Variants in SLC22A2 observed in about 807,000 individuals in gnomAD.
The protein encoded by SLC22A2 is solute carrier family 22 member 2, also known as organic cation transporter 2.
A neutral mutation model predicts 60.5 loss-of-function variants in SLC22A2; 46 were observed. The ratio of observed to expected loss-of-function variants is 0.76; its 90% CI spans 0.60 to 0.97. SLC22A2 has a LOEUF of 0.97. SLC22A2 is among the 50% of genes least tolerant of loss of function. The pLI, the probability that SLC22A2 is intolerant of heterozygous loss-of-function variation, is 0.00. For synonymous variants in SLC22A2, 303 were observed against 267.0 expected (o/e 1.13, Z -1.31); for missense variants, 701 against 706.6 (o/e 0.99, Z 0.09).
chr6:160,254,506 T>G (rs1783237564), intron 2 of SLC22A2, among the ~76,000 whole-genome samples: 1 of 152,228 alleles, frequency 6.6e-6, no homozygotes, highest in Non-Finnish European at 1.5e-5. Flanking sequence ...GTGTTTTATT[T>G]AAAGTTGGCT....
intron 10 of SLC22A2, among the ~76,000 whole-genome samples, chr6:160,222,871 T>A (rs920468534): frequency 1.3e-5 from 2 of 152,208 alleles, no homozygotes; most frequent in African/African-American, 2.4e-5. Flanking sequence ...AAACAGATCC[T>A]GGAAATCCAG....
chr6:160,248,988 C>T (rs758830537), intron 4 of SLC22A2, among the ~76,000 whole-genome samples: 5 of 152,134 alleles, frequency 3.3e-5, no homozygotes, highest in Non-Finnish European at 5.9e-5. Flanking sequence ...ATGTAAGATC[C>T]AAGTCATAAA....
chr6:160,239,724 G>T (rs1235633269), intron 9 of SLC22A2, among the ~76,000 whole-genome samples: 2 of 152,154 alleles, frequency 1.3e-5, no homozygotes, highest in African/African-American at 4.8e-5. Flanking sequence ...AGAAATAGGG[G>T]TCACATATGT....
At position 160,245,559 on chromosome 6, in the gene SLC22A2, T is replaced by C. The variant is rs751108234; in HGVS notation, c.958-14A>G. 7.1e-6 allele frequency: 11 copies of C among 1,541,746 alleles called. No individual in the cohort carries two copies. The East Asian group carries it at 1.8e-4, about 25-fold the overall frequency. On this transcript the variant is annotated splice_polypyrimidine_tract_variant and intron_variant, in intron 5 of 10. Transcript: ENST00000366953. ...AAGTCTCAGGCGCTAAGAAAAGGAA[T>C]AGAAAGGACGGCTTTGTATATTTAA...
chr6:160,245,476 G>A lies in SLC22A2; in HGVS notation c.1027C>T (p.Gln343Ter). The A allele has an allele frequency of 6.2e-7, 1 of 1,607,176 alleles. No individual in the cohort carries two copies. The highest frequency in any genetic ancestry group is 8.5e-7 in the Non-Finnish European group (1 of 1,175,278). Residue 343 changes from glutamine (Q) to a stop codon, truncating the protein, a stop_gained, in exon 6 of 11, where the codon CAG becomes TAG. Transcript: ENST00000366953. LOFTEE classifies it high-confidence loss of function. ...AATATCATAGTATGTTTCCTTATCT[G>A]AGGAGTTCTGACCAAGTCAAGAAAT... ...PSFLDLVRTPQIRKHTMILMY... is the reference protein window; with the variant it reads ...PSFLDLVRTP
chr6:160,241,427 C>A, intron 9 of SLC22A2, 47 bp downstream of exon 9: 3 of 1,245,174 alleles, frequency 2.4e-6, no homozygotes, highest in Non-Finnish European at 3.5e-6. Flanking sequence ...GTGAAGGTCT[C>A]TAGAAAAATA....
intron 9 of SLC22A2, among the ~76,000 whole-genome samples, chr6:160,226,627 G>A (rs1782729251): frequency 6.6e-6 from 1 of 152,078 alleles, no homozygotes; most frequent in African/African-American, 2.4e-5. Context: ...GGTTGTGTTG[G>A]AATCTCGGAG....
chr6:160,221,316 A>G (rs1338952825), intron 10 of SLC22A2, among the ~76,000 whole-genome samples: 1 of 152,228 alleles, frequency 6.6e-6, no homozygotes, highest in Non-Finnish European at 1.5e-5. Flanking sequence ...CTCAGCCTTC[A>G]TATAATGGAA....
chr6:160,217,477 C>A lies in SLC22A2; in HGVS notation c.1623G>T (p.Lys541Asn). Residue 541 changes from lysine to asparagine, a missense_variant, in exon 11 of 11, where the codon AAG becomes AAT. Transcript: ENST00000366953. ...GTTTCTGAACTTGGAGGTAAATCATCTTTTCTTTATTTTTTCTTGGTCTGC... is the reference window on the plus strand; with the variant it reads ...GTTTCTGAACTTGGAGGTAAATCATATTTTCTTTATTTTTTCTTGGTCTGC... ...NMQRPRKNKE[K>N]MIYLQVQKLD... 2 of 1,596,534 alleles carry A rather than the reference C, an allele frequency of 1.3e-6. No homozygotes were observed. Among genetic ancestry groups the A allele is most frequent in the Non-Finnish European group, 1.7e-6 (2 of 1,164,694 alleles).
intron 5 of SLC22A2, among the ~76,000 whole-genome samples, chr6:160,246,308 G>A (rs547704595): frequency 4.6e-4 from 70 of 152,096 alleles, no homozygotes; most frequent in Non-Finnish European, 7.2e-4. Context: ...GCCTATTTTC[G>A]AATAAGCTTA....
At chr6:160,219,883 A>C (rs1247927687) in intron 10 of SLC22A2, among the ~76,000 whole-genome samples, 1 of 152,228 alleles carries the variant, frequency 6.6e-6, no homozygotes, top group Non-Finnish European at 1.5e-5. Context: ...TATTTTTTAA[A>C]AATGCTAACA....
intron 6 of SLC22A2, 100 bp downstream of exon 6, chr6:160,245,339 G>C: frequency 1.5e-6 from 1 of 645,446 alleles, no homozygotes; most frequent in Non-Finnish European, 2.6e-6. Context: ...CACCGTCAGC[G>C]CTAATACCGG....
At chr6:160,243,547 G>C in intron 7 of SLC22A2, 25 bp downstream of exon 7, 3 of 1,511,880 alleles carry the variant, frequency 2.0e-6, no homozygotes, top group Non-Finnish European at 2.8e-6. Context: ...TTGGAGATAA[G>C]ACTCCAACTT....
chr6:160,239,231 T>A (rs1160153845), intron 9 of SLC22A2, among the ~76,000 whole-genome samples: 4 of 152,102 alleles, frequency 2.6e-5, no homozygotes, highest in African/African-American at 9.7e-5. Context: ...AGTCACCCTA[T>A]ATAGTCTGAA....
chr6:160,222,133 A>G (rs896110881), intron 10 of SLC22A2, among the ~76,000 whole-genome samples: 1 of 152,236 alleles, frequency 6.6e-6, no homozygotes, highest in Non-Finnish European at 1.5e-5. Flanking sequence ...TACAGAAAGG[A>G]AAACAGGCTT....
Position 160,217,477 on chromosome 6 carries a change from CT to C in SLC22A2, c.1622del (p.Lys541ArgfsTer2), listed in dbSNP as rs1782559686. 6.3e-7 allele frequency: 1 copy of C among 1,596,534 alleles called. No individual in the cohort carries two copies. Among genetic ancestry groups the C allele is most frequent in the East Asian group, 2.2e-5 (1 of 44,716 alleles). Reference protein sequence around the residue: ...NMQRPRKNKEKMIYLQVQKLD... With the variant: ...NMQRPRKNKEXMIYLQVQKLD... ...GTTTCTGAACTTGGAGGTAAATCAT[CT>C]TTTCTTTATTTTTTCTTGGTCTGCA... On this transcript the variant is annotated frameshift_variant, in exon 11 of 11. Transcript: ENST00000366953. LOFTEE classifies it high-confidence loss of function.
intron 9 of SLC22A2, among the ~76,000 whole-genome samples, chr6:160,230,871 A>C (rs1337906291): frequency 6.6e-6 from 1 of 151,882 alleles, no homozygotes; most frequent in Non-Finnish European, 1.5e-5. Context: ...GGACTGTCCA[A>C]CTTGCCCCGC....
chr6:160,220,378 A>G (rs747073602), intron 10 of SLC22A2, among the ~76,000 whole-genome samples: 8 of 152,136 alleles, frequency 5.3e-5, no homozygotes, highest in South Asian at 4.1e-4. Context: ...TGCTATTTCT[A>G]TTGTATCTGC....
intron 10 of SLC22A2, chr6:160,218,426 A>G (rs908476707): frequency 7.6e-5 from 28 of 369,620 alleles, no homozygotes; most frequent in Admixed American, 6.1e-4. Flanking sequence ...AACAGTAATT[A>G]CAGCAGCAAC....
Sources: gnomAD v4.1 joint callset for allele counts (sites outside exome capture counted in the v4.1 genomes callset) on GRCh38, gnomAD v4.1.1 for gene constraint, MANE v1.5 for transcripts, NCBI Gene and HGNC (gene_info 2026-07-23, HGNC 2026-07-21) for gene names.